The following RANBP2 variants were observed in gnomAD, a reference collection of about 807,000 sequenced individuals.
RANBP2 encodes E3 SUMO-protein ligase RanBP2.
In RANBP2, 57 loss-of-function variants were observed where a neutral mutation model predicts 303.6. That is an observed-to-expected ratio of 0.19 (90% CI 0.15 to 0.23). RANBP2 has a LOEUF of 0.23. Among genes scored for constraint, RANBP2 ranks in the 10% least tolerant of loss-of-function variants. The pLI is 1.00. For missense variants in RANBP2, 3,138 were observed against 3,780.8 expected (o/e 0.83, Z 4.46); for synonymous variants, 1,167 against 1,301.5 (o/e 0.90, Z 2.23).
the RANBP2 span, among the ~76,000 whole-genome samples, chr2:109,200,125 C>T: frequency 6.6e-6 from 1 of 152,174 alleles, no homozygotes. Context: ...ATGTTACGGA[C>T]ATGCTCCACA....
the RANBP2 span, among the ~76,000 whole-genome samples, chr2:109,677,368 C>T: frequency 6.6e-6 from 1 of 152,176 alleles, no homozygotes; most frequent in Non-Finnish European, 1.5e-5. Context: ...CTCAAGGTCG[C>T]CTTTGTGCCA....
At chr2:109,720,254 A>C in the RANBP2 span, among the ~76,000 whole-genome samples, 1 of 151,228 alleles carries the variant, frequency 6.6e-6, no homozygotes, top group African/African-American at 2.4e-5. Context: ...CATATATATC[A>C]ATCTTTATAC....
the RANBP2 span, among the ~76,000 whole-genome samples, chr2:109,643,243 G>C: frequency 6.6e-6 from 1 of 151,784 alleles, no homozygotes. Flanking sequence ...GCATGTACTA[G>C]TACATAAATG....
the RANBP2 span, among the ~76,000 whole-genome samples, chr2:109,611,319 G>C: frequency 6.6e-6 from 1 of 152,044 alleles, no homozygotes; most frequent in Non-Finnish European, 1.5e-5. Context: ...TCCATAAAAG[G>C]AAATAATGAT....
At chr2:109,688,400 G>A in the RANBP2 span, among the ~76,000 whole-genome samples, 6 of 152,258 alleles carry the variant, frequency 3.9e-5, no homozygotes, top group African/African-American at 7.2e-5. Context: ...TCTCAGGAGC[G>A]CGACCCCTGC....
the RANBP2 span, among the ~76,000 whole-genome samples, chr2:109,151,838 C>T: frequency 1.3e-5 from 2 of 152,246 alleles, no homozygotes; most frequent in Non-Finnish European, 2.9e-5. Flanking sequence ...TTATAGGCAA[C>T]AATATGACAT....
chr2:108,969,012 C>T, the RANBP2 span, among the ~76,000 whole-genome samples: 3 of 152,178 alleles, frequency 2.0e-5, no homozygotes, highest in African/African-American at 7.2e-5. Flanking sequence ...CAGAAGCTCC[C>T]GGAATCAGCA....
chr2:109,403,745 C>T, the RANBP2 span, among the ~76,000 whole-genome samples: 1 of 152,154 alleles, frequency 6.6e-6, no homozygotes, highest in Admixed American at 6.5e-5. Flanking sequence ...CTCTTGGAGC[C>T]CTGCAGTTAA....
At chr2:109,482,875 C>G in the RANBP2 span, among the ~76,000 whole-genome samples, 2 of 152,174 alleles carry the variant, frequency 1.3e-5, no homozygotes, top group Non-Finnish European at 2.9e-5. Context: ...CTGCTGCCTC[C>G]CGTTCCCTGC....
At chr2:109,274,559 G>GGTAT in the RANBP2 span, among the ~76,000 whole-genome samples, 2 of 152,194 alleles carry the variant, frequency 1.3e-5, no homozygotes, top group Non-Finnish European at 2.9e-5. Context: ...TGATTTCATT[G>GGTAT]GTATGAAGTA....
At chr2:109,224,621 G>A in the RANBP2 span, among the ~76,000 whole-genome samples, 2 of 152,222 alleles carry the variant, frequency 1.3e-5, no homozygotes, top group African/African-American at 2.4e-5. Context: ...ACTTTGGAAG[G>A]CCAAGGCGGG....
chr2:109,546,330 C>A, the RANBP2 span: 3 of 736,714 alleles, frequency 4.1e-6, no homozygotes, highest in African/African-American at 1.8e-5. Flanking sequence ...CCCCATAGCG[C>A]AACACAGAAT....
the RANBP2 span, among the ~76,000 whole-genome samples, chr2:109,202,403 G>A: frequency 2.0e-4 from 31 of 152,260 alleles, no homozygotes; most frequent in East Asian, 4.1e-3. Context: ...CTAATTGCCC[G>A]AACTTAATTG....
At chr2:109,002,888 T>C in the RANBP2 span, among the ~76,000 whole-genome samples, 1 of 152,172 alleles carries the variant, frequency 6.6e-6, no homozygotes, top group South Asian at 2.1e-4. Context: ...TGCCTCATAA[T>C]ACCCCTTTAC....
the RANBP2 span, among the ~76,000 whole-genome samples, chr2:108,965,799 A>G: frequency 6.6e-6 from 1 of 152,012 alleles, no homozygotes; most frequent in South Asian, 2.1e-4. Context: ...GAAATTCAAG[A>G]TGGGCCTTTT....
the RANBP2 span, among the ~76,000 whole-genome samples, chr2:109,704,316 G>A: frequency 1.3e-5 from 2 of 152,154 alleles, no homozygotes; most frequent in African/African-American, 4.8e-5. Flanking sequence ...GGGAGGCCGA[G>A]GTGGAAGGAT....
chr2:109,074,175 T>C, the RANBP2 span, among the ~76,000 whole-genome samples: 140 of 150,924 alleles, frequency 9.3e-4, 3 homozygotes, highest in African/African-American at 3.3e-3. Flanking sequence ...GAGACCAACC[T>C]GGCCAACATA....
At chr2:109,652,871 T>A in the RANBP2 span, among the ~76,000 whole-genome samples, 704 of 152,290 alleles carry the variant, frequency 4.6e-3, 4 homozygotes, top group Non-Finnish European at 8.7e-3. Context: ...GTTCAATAAG[T>A]CCCCAGTGTC....
At chr2:109,269,645 G>A in the RANBP2 span, among the ~76,000 whole-genome samples, 1 of 152,198 alleles carries the variant, frequency 6.6e-6, no homozygotes, top group African/African-American at 2.4e-5. Context: ...GCCGGACATG[G>A]TGGCGTGTGC....
Sources: gnomAD v4.1 joint callset for allele counts (sites outside exome capture counted in the v4.1 genomes callset) on GRCh38, gnomAD v4.1.1 for gene constraint, MANE v1.5 for transcripts, NCBI Gene and HGNC (gene_info 2026-07-23, HGNC 2026-07-21) for gene names.